Variants in GRIN3A observed in about 807,000 individuals in gnomAD.
The protein encoded by GRIN3A is glutamate receptor ionotropic, NMDA 3A.
A neutral mutation model predicts 92.4 loss-of-function variants in GRIN3A; 47 were observed. The ratio of observed to expected loss-of-function variants is 0.51; its 90% confidence interval spans 0.40 to 0.65. The LOEUF (loss-of-function observed/expected upper bound fraction) is 0.65, where lower values mean the gene tolerates loss of function less well. GRIN3A is among the 30% of genes least tolerant of loss of function. GRIN3A has a pLI of 0.00. For missense variants in GRIN3A, 1,324 were observed against 1,393.1 expected (o/e 0.95, Z 0.79); for synonymous variants, 527 against 540.6 (o/e 0.97, Z 0.35).
At chr9:101,630,608 G>C (rs1269940948) in intron 3 of GRIN3A, among the ~76,000 whole-genome samples, 1 of 152,158 alleles carries the variant, frequency 6.6e-6, no homozygotes, top group Admixed American at 6.6e-5. Context: ...GTGTAACATT[G>C]CTTCTGATAC....
intron 1 of GRIN3A, among the ~76,000 whole-genome samples, chr9:101,697,557 A>G (rs1829699397): frequency 6.6e-6 from 1 of 152,216 alleles, no homozygotes; most frequent in Admixed American, 6.5e-5. Context: ...TTCAAATATA[A>G]CATTTGGGTT....
At chr9:101,732,579 C>T (rs1255851218) in intron 1 of GRIN3A, among the ~76,000 whole-genome samples, 1 of 152,006 alleles carries the variant, frequency 6.6e-6, no homozygotes, top group Non-Finnish European at 1.5e-5. Context: ...TTTCTAAGCC[C>T]ACTTTTTTTT....
At chr9:101,603,465 T>C (rs1194584155) in intron 6 of GRIN3A, among the ~76,000 whole-genome samples, 1 of 152,224 alleles carries the variant, frequency 6.6e-6, no homozygotes, top group African/African-American at 2.4e-5. Flanking sequence ...TCTGAAGTTT[T>C]GGAAGTTGCA....
intron 1 of GRIN3A, among the ~76,000 whole-genome samples, chr9:101,696,128 G>A (rs749515921): frequency 1.2e-4 from 18 of 152,164 alleles, no homozygotes; most frequent in Non-Finnish European, 2.1e-4. Context: ...GGTAAGGACC[G>A]GATTAGAGAT....
intron 3 of GRIN3A, among the ~76,000 whole-genome samples, chr9:101,651,921 A>G (rs918074029): frequency 6.6e-6 from 1 of 151,960 alleles, no homozygotes; most frequent in Non-Finnish European, 1.5e-5. Context: ...TATAAGAAGT[A>G]TCAGAAAAAA....
At chr9:101,618,653 A>G (rs1410744353) in intron 5 of GRIN3A, among the ~76,000 whole-genome samples, 2 of 152,232 alleles carry the variant, frequency 1.3e-5, no homozygotes, top group Non-Finnish European at 2.9e-5. Flanking sequence ...AACTATGCAT[A>G]TGGAATGATG....
intron 3 of GRIN3A, among the ~76,000 whole-genome samples, chr9:101,652,773 C>T (rs2118919345): frequency 6.6e-6 from 1 of 152,098 alleles, no homozygotes; most frequent in African/African-American, 2.4e-5. Flanking sequence ...TTTCTATCAG[C>T]ATTTGGGTTT....
intron 3 of GRIN3A, among the ~76,000 whole-genome samples, chr9:101,662,601 A>G (rs1196825041): frequency 6.6e-6 from 1 of 151,618 alleles, no homozygotes. Context: ...ACATTAATAT[A>G]TTATATGTAA....
At chr9:101,664,017 A>G (rs1314248728) in intron 3 of GRIN3A, among the ~76,000 whole-genome samples, 3 of 151,878 alleles carry the variant, frequency 2.0e-5, no homozygotes, top group African/African-American at 7.2e-5. Flanking sequence ...GGGGAAGTGG[A>G]GCTTTATTTT....
chr9:101,731,828 C>G lies in GRIN3A; in HGVS notation c.699+5453G>C, dbSNP rs773233242. The stretch of plus-strand genomic sequence containing the variant: ...CTTAGCTCACCTCTTCCCCATTGCT[C>G]TTTGCTCCTGTGATCTCATAGAGAA... On this transcript the variant is annotated intron_variant, in intron 1 of 8. Transcript: ENST00000361820. Among the ~76,000 whole-genome samples, 161 of 152,202 alleles carry G rather than the reference C, an allele frequency of 1.1e-3. 3 individuals are homozygous for G. The highest frequency in any genetic ancestry group is 2.2e-4 in the Non-Finnish European group (15 of 68,028).
chr9:101,670,329 A>G lies in GRIN3A; in HGVS notation c.2083T>C (p.Tyr695His). 1.2e-6 allele frequency: 2 copies of G among 1,614,036 alleles called. No individual in the cohort carries two copies. Among genetic ancestry groups the G allele is most frequent in the Non-Finnish European group, 1.7e-6 (2 of 1,179,964 alleles). The part of the protein sequence containing the change: ...LHITAVFLTL[Y>H]EWKSPFGLTP... ...AAACCAAATGGACTCTTCCATTCAT[A>G]CAGAGTGAGGAAGACGGCAGTGATG... Residue 695 changes from tyrosine (Y) to histidine (H), a missense_variant, in exon 3 of 9, where the codon TAT becomes CAT. Physicochemically the swap from Tyr to His is moderately conservative, Grantham distance 83. Coordinates refer to ENST00000361820, the MANE Select transcript of GRIN3A (RefSeq NM_133445.3).
At chr9:101,639,121 A>G (rs1282537904) in intron 3 of GRIN3A, among the ~76,000 whole-genome samples, 2 of 152,220 alleles carry the variant, frequency 1.3e-5, no homozygotes, top group South Asian at 2.1e-4. Context: ...TCTTCAGCCT[A>G]TGTTGTTGGA....
At chr9:101,605,846 G>A (rs1400681912) in intron 6 of GRIN3A, among the ~76,000 whole-genome samples, 1 of 152,174 alleles carries the variant, frequency 6.6e-6, no homozygotes, top group Non-Finnish European at 1.5e-5. Context: ...CTAATGTTTG[G>A]TTTCTTGCTT....
rs1829232908 is a variant in GRIN3A at position 101,666,073 on chromosome 9, T to A, written c.2352+3987A>T. On this transcript the variant is annotated intron_variant, in intron 3 of 8. Transcript: ENST00000361820. ...GCTGCATGAATTTATGAGTCACCTT[T>A]CCTCTTCATCTTTCACCTCGTCTCT... Among the ~76,000 whole-genome samples the A allele has an allele frequency of 2.0e-5, 3 of 152,012 alleles. No individual in the cohort carries two copies. In the South Asian group the frequency reaches 6.2e-4, roughly 32 times the overall value.
In GRIN3A at chr9:101,569,975, T is replaced by G. The variant is rs1285984691; in HGVS notation, c.*3199A>C. 1 of 152,220 alleles carries G rather than the reference T, an allele frequency of 6.6e-6. No individual in the cohort carries two copies. Among genetic ancestry groups the G allele is most frequent in the African/African-American group, 2.4e-5 (1 of 41,446 alleles). 9.4% of individuals were successfully genotyped at this position (152,220 alleles called of 1,614,324 possible). The stretch of plus-strand genomic sequence containing the variant: ...CTGGCTGGAAGGGAAGCAGCAGCTC[T>G]TGATAGGGTTTGTGCAATAGCAAGA... On this transcript the variant is annotated 3_prime_UTR_variant, in exon 9 of 9. Transcript: ENST00000361820.
rs115530037 is a variant in GRIN3A at position 101,711,277 on chromosome 9, A to G, written c.700-24077T>C. On this transcript the variant is annotated intron_variant, in intron 1 of 8. Transcript: ENST00000361820. The stretch of plus-strand genomic sequence containing the variant: ...TGGATGTCAGGGGCAGATGATGCTG[A>G]TAACCAACAGGCGGGTAGTGCATAC... Among the ~76,000 whole-genome samples the G allele has an allele frequency of 3.1e-3, 471 of 152,296 alleles. 1 individual carries two copies. Among genetic ancestry groups the G allele is most frequent in the African/African-American group, 0.011 (446 of 41,560 alleles).
intron 3 of GRIN3A, among the ~76,000 whole-genome samples, chr9:101,655,689 A>G (rs867396050): frequency 6.6e-6 from 1 of 151,962 alleles, no homozygotes; most frequent in African/African-American, 2.4e-5. Context: ...CTCCTCCAAC[A>G]GCAGATGCAT....
chr9:101,726,105 T>G (rs1830079462), intron 1 of GRIN3A, among the ~76,000 whole-genome samples: 1 of 152,208 alleles, frequency 6.6e-6, no homozygotes, highest in Admixed American at 6.5e-5. Context: ...GCATGCAACC[T>G]AAGAATCTGG....
intron 3 of GRIN3A, among the ~76,000 whole-genome samples, chr9:101,646,416 T>A (rs1230603760): frequency 1.3e-5 from 2 of 151,964 alleles, no homozygotes; most frequent in Non-Finnish European, 1.5e-5. Flanking sequence ...TTCCACTTAC[T>A]ATAGCTTTGT....
Sources: allele counts gnomAD v4.1 joint callset (sites outside exome capture counted in the v4.1 genomes callset), GRCh38; gene constraint gnomAD v4.1.1; transcripts MANE v1.5; gene names NCBI Gene and HGNC (gene_info 2026-07-23, HGNC 2026-07-21).